The following GPC5 variants were observed in gnomAD, a reference collection of about 807,000 sequenced individuals.
GPC5 encodes the protein glypican-5.
GPC5 carries 47 observed loss-of-function variants against 53.9 expected under a neutral mutation model. That is an observed-to-expected ratio of 0.87 (90% CI 0.69 to 1.11). GPC5 has a LOEUF of 1.11. Ranked by LOEUF, GPC5 falls within the 50% of genes most tolerant of loss-of-function variation. GPC5 has a pLI of 0.00. For missense variants in GPC5, 748 were observed against 713.1 expected, an observed-to-expected ratio of 1.05 and a Z score of -0.56; for synonymous variants, 286 against 263.3, an observed-to-expected ratio of 1.09 and a Z score of -0.84.
chr13:92,681,166 C>T (rs1014622425), intron 7 of GPC5, among the ~76,000 whole-genome samples: 3 of 151,536 alleles, frequency 2.0e-5, no homozygotes, highest in African/African-American at 7.3e-5. Context: ...CTTCAGTAAG[C>T]GATTTACCTC....
At chr13:92,640,964 T>G (rs1885576070) in intron 7 of GPC5, among the ~76,000 whole-genome samples, 2 of 134,948 alleles carry the variant, frequency 1.5e-5, no homozygotes, top group Non-Finnish European at 1.6e-5. Flanking sequence ...GTGAAAGGAG[T>G]AGTAATGGGG....
chr13:92,379,811 T>C (rs61973565), intron 7 of GPC5, among the ~76,000 whole-genome samples: 5,300 of 152,252 alleles, frequency 0.035, 157 homozygotes, highest in East Asian at 0.15. Context: ...TACACATGGC[T>C]CACAGCAAGG....
chr13:92,799,211 T>A (rs1328321009), intron 7 of GPC5, among the ~76,000 whole-genome samples: 1 of 151,780 alleles, frequency 6.6e-6, no homozygotes, highest in African/African-American at 2.4e-5. Flanking sequence ...TAATTTCACA[T>A]ACTCTGAAAT....
At chr13:92,111,585 A>C (rs933305553) in intron 6 of GPC5, among the ~76,000 whole-genome samples, 2 of 151,348 alleles carry the variant, frequency 1.3e-5, no homozygotes, top group Admixed American at 6.6e-5. Context: ...CTGCCCCACA[A>C]AAAAAAAATG....
intron 2 of GPC5, among the ~76,000 whole-genome samples, chr13:91,569,630 G>A (rs368481325): frequency 1.9e-4 from 29 of 152,222 alleles, no homozygotes; most frequent in Middle Eastern, 3.4e-3. Flanking sequence ...TTTGAATGAT[G>A]GCATCCTTTC....
chr13:92,169,350 A>G (rs1217600085), intron 7 of GPC5, among the ~76,000 whole-genome samples: 2 of 152,228 alleles, frequency 1.3e-5, no homozygotes, highest in Admixed American at 1.3e-4. Flanking sequence ...AAGAATTTGC[A>G]ATCTAACCTT....
At chr13:91,793,141 C>G (rs2037994487) in intron 5 of GPC5, among the ~76,000 whole-genome samples, 2 of 152,158 alleles carry the variant, frequency 1.3e-5, no homozygotes, top group African/African-American at 4.8e-5. Context: ...TTCCTTAGAG[C>G]AGGGGAGGCC....
intron 7 of GPC5, among the ~76,000 whole-genome samples, chr13:92,456,226 A>G (rs1010120500): frequency 2.0e-5 from 3 of 152,124 alleles, no homozygotes; most frequent in Non-Finnish European, 4.4e-5. Flanking sequence ...GATTCTTAAC[A>G]CTAAGGAACA....
chr13:91,707,267 T>G lies in GPC5; in HGVS notation c.1020+13386T>G, dbSNP rs540854827. Among the ~76,000 whole-genome samples the G allele has an allele frequency of 2.6e-5, 4 of 152,240 alleles. No homozygotes were observed. In the South Asian group the frequency reaches 8.3e-4, roughly 32 times the overall value. ...AACATTGTTAGTCATTAGTGGCATA[T>G]AAATCAAAACCACACTGAGACAGTG... On this transcript the variant is annotated intron_variant, in intron 3 of 7. Coordinates refer to ENST00000377067, the MANE Select transcript of GPC5 (RefSeq NM_004466.6).
chr13:91,775,227 G>A (rs531290181), intron 5 of GPC5, among the ~76,000 whole-genome samples: 4 of 152,100 alleles, frequency 2.6e-5, no homozygotes, highest in Non-Finnish European at 5.9e-5. Flanking sequence ...AAAAAGTTAT[G>A]AAAAATCCAG....
chr13:91,462,591 T>C (rs1882002151), intron 2 of GPC5, among the ~76,000 whole-genome samples: 1 of 152,142 alleles, frequency 6.6e-6, no homozygotes, highest in Non-Finnish European at 1.5e-5. Flanking sequence ...TGCGTATCTG[T>C]AAGACATTGT....
chr13:92,132,260 A>T (rs1025243902), intron 6 of GPC5, among the ~76,000 whole-genome samples: 2 of 152,200 alleles, frequency 1.3e-5, no homozygotes, highest in Admixed American at 1.3e-4. Flanking sequence ...TGGTCACATG[A>T]CTGAGACTAT....
At chr13:92,694,779 T>C (rs1289337923) in intron 7 of GPC5, among the ~76,000 whole-genome samples, 2 of 152,230 alleles carry the variant, frequency 1.3e-5, no homozygotes, top group Non-Finnish European at 1.5e-5. Context: ...AAGACATGAT[T>C]GTGTTTTGAA....
chr13:92,286,291 T>C (rs2042953980), intron 7 of GPC5, among the ~76,000 whole-genome samples: 1 of 152,140 alleles, frequency 6.6e-6, no homozygotes, highest in Admixed American at 6.5e-5. Flanking sequence ...GTTGGTGGGA[T>C]TGTAAACTAG....
chr13:92,451,601 A>T (rs1344290501), intron 7 of GPC5, among the ~76,000 whole-genome samples: 1 of 152,192 alleles, frequency 6.6e-6, no homozygotes, highest in Non-Finnish European at 1.5e-5. Flanking sequence ...CTAAATAATG[A>T]TATGTTCTGC....
At chr13:91,702,452 C>G (rs2139861125) in intron 3 of GPC5, among the ~76,000 whole-genome samples, 1 of 152,174 alleles carries the variant, frequency 6.6e-6, no homozygotes, top group African/African-American at 2.4e-5. Flanking sequence ...AATTAATTAA[C>G]TAGAGATGCA....
chr13:91,896,805 T>C (rs1001223171), intron 5 of GPC5, among the ~76,000 whole-genome samples: 4 of 152,216 alleles, frequency 2.6e-5, no homozygotes, highest in African/African-American at 9.6e-5. Context: ...TGTAGTTTTA[T>C]GGAACCAAGT....
chr13:91,945,685 C>G (rs1413735916), intron 6 of GPC5, among the ~76,000 whole-genome samples: 3 of 152,120 alleles, frequency 2.0e-5, no homozygotes, highest in Non-Finnish European at 2.9e-5. Context: ...GCCCACTCAT[C>G]ATTTGCTACT....
At chr13:92,337,655 T>C (rs866060294) in intron 7 of GPC5, among the ~76,000 whole-genome samples, 1 of 152,202 alleles carries the variant, frequency 6.6e-6, no homozygotes, top group South Asian at 2.1e-4. Context: ...TTGACCCACA[T>C]GAATATAGTC....
Sources: gnomAD v4.1 joint callset for allele counts (sites outside exome capture counted in the v4.1 genomes callset) on GRCh38, gnomAD v4.1.1 for gene constraint, MANE v1.5 for transcripts, NCBI Gene and HGNC (gene_info 2026-07-23, HGNC 2026-07-21) for gene names.